Variants in KIAA1671 observed in about 807,000 individuals in gnomAD.
KIAA1671 encodes KIAA1671, also known as uncharacterized protein KIAA1671.
KIAA1671 carries 52 observed loss-of-function variants against 131.2 expected under a neutral mutation model. The observed-to-expected ratio is 0.40, with a 90% CI of 0.32 to 0.50. The LOEUF (loss-of-function observed/expected upper bound fraction) is 0.50. Ranked by LOEUF, KIAA1671 falls within the 20% of genes least tolerant of loss-of-function variation. KIAA1671 has a pLI of 0.73. For synonymous variants in KIAA1671, 1,003 were observed against 961.6 expected (o/e 1.04, Z -0.80); for missense variants, 2,360 against 2,364.2 (o/e 1.00, Z 0.04).
Position 24,974,280 on chromosome 22 carries a change from G to A in KIAA1671, c.-208+21508G>A, listed in dbSNP as rs549091626. On this transcript the variant is annotated intron_variant, in intron 1 of 12. Transcript: ENST00000358431. ...ATTGGGCAGGTCTCACCCCCTCCAT[G>A]AGCTTTAGTGTGTGATGTGATGATG... Among the ~76,000 whole-genome samples the A allele has an allele frequency of 2.0e-5, 3 of 152,246 alleles. No individual in the cohort carries two copies. The South Asian group carries it at 6.2e-4, about 32-fold the overall frequency.
chr22:24,986,553 A>G (rs2123838430), intron 1 of KIAA1671, among the ~76,000 whole-genome samples: 1 of 152,168 alleles, frequency 6.6e-6, no homozygotes, highest in East Asian at 1.9e-4. Context: ...AATATTTTCA[A>G]TCAGTGATTA....
intron 1 of KIAA1671, among the ~76,000 whole-genome samples, chr22:25,003,216 G>T (rs1435849970): frequency 6.6e-6 from 1 of 152,122 alleles, no homozygotes; most frequent in Non-Finnish European, 1.5e-5. Flanking sequence ...TGTAAAATGG[G>T]AGTAAAATAC....
intron 11 of KIAA1671, among the ~76,000 whole-genome samples, chr22:25,188,962 A>G (rs1934569157): frequency 6.6e-6 from 1 of 152,124 alleles, no homozygotes; most frequent in Non-Finnish European, 1.5e-5. Context: ...ATGCACATGT[A>G]GACACACGTA....
At chr22:24,987,150 GATTT>G (rs1391266302) in intron 1 of KIAA1671, among the ~76,000 whole-genome samples, 1 of 150,674 alleles carries the variant, frequency 6.6e-6, no homozygotes, top group African/African-American at 2.4e-5. Flanking sequence ...TTTTTCCAAT[GATTT>G]ATTTATTATT....
At chr22:25,085,033 G>C (rs1212630050) in intron 6 of KIAA1671, among the ~76,000 whole-genome samples, 1 of 152,206 alleles carries the variant, frequency 6.6e-6, no homozygotes, top group Non-Finnish European at 1.5e-5. Context: ...TCTGTTCTCT[G>C]CTGGGCCATG....
At chr22:25,120,863 T>A (rs138628310) in intron 6 of KIAA1671, among the ~76,000 whole-genome samples, 55 of 152,360 alleles carry the variant, frequency 3.6e-4, no homozygotes, top group Admixed American at 5.9e-4. Flanking sequence ...GGCTGGACAT[T>A]TGGGTAATTT....
chr22:25,112,290 G>A (rs1197101188), intron 6 of KIAA1671: 1 of 398,890 alleles, frequency 2.5e-6, no homozygotes, highest in Non-Finnish European at 4.4e-6. Context: ...ACCACGGTGG[G>A]CCACGAACGG....
intron 9 of KIAA1671, chr22:25,179,575 GCTT>G (rs1267064212): frequency 1.7e-5 from 24 of 1,452,598 alleles, no homozygotes; most frequent in Middle Eastern, 2.0e-4. Context: ...GAACGGAGCC[GCTT>G]CCCCTGCCCA....
chr22:24,957,837 C>T (rs1921795317), intron 1 of KIAA1671, among the ~76,000 whole-genome samples: 1 of 151,766 alleles, frequency 6.6e-6, no homozygotes, highest in African/African-American at 2.4e-5. Context: ...GCCACCACGC[C>T]TGGCTAATTT....
intron 6 of KIAA1671, among the ~76,000 whole-genome samples, chr22:25,165,101 A>T (rs541504582): frequency 6.6e-6 from 1 of 151,612 alleles, no homozygotes; most frequent in Non-Finnish European, 1.5e-5. Flanking sequence ...TTCTGGTAGA[A>T]TGATGAGGCA....
chr22:25,145,506 C>T (rs547451140), intron 6 of KIAA1671, among the ~76,000 whole-genome samples: 1 of 152,216 alleles, frequency 6.6e-6, no homozygotes, highest in African/African-American at 2.4e-5. Context: ...TGATCCCCAA[C>T]CTGTGCTTCC....
Position 25,181,728 on chromosome 22 carries a change from G to A in KIAA1671, c.5104G>A (p.Asp1702Asn), listed in dbSNP as rs1223268418. ...GAAATCACCCAGGAAGGAGGAGTCG[G>A]ATGAGGAGGAGACGGCATCCAAAGC... ...EEKSPRKEES[D>N]EEETASKAER... Residue 1702 changes from aspartate (D) to asparagine (N), a missense_variant, in exon 10 of 13, where the codon GAT becomes AAT. Physicochemically the swap from Asp to Asn is conservative, Grantham distance 23. Transcript: ENST00000358431. 6.4e-7 allele frequency: 1 copy of A among 1,551,682 alleles called. No homozygotes were observed. Among genetic ancestry groups the A allele is most frequent in the Non-Finnish European group, 8.7e-7 (1 of 1,146,994 alleles).
intron 4 of KIAA1671, among the ~76,000 whole-genome samples, chr22:25,037,271 C>T (rs991780100): frequency 2.0e-5 from 3 of 151,990 alleles, no homozygotes; most frequent in Non-Finnish European, 4.4e-5. Flanking sequence ...TGCAGTGAGC[C>T]GAGATCGTGC....
intron 6 of KIAA1671, among the ~76,000 whole-genome samples, chr22:25,093,955 G>A (rs189920141): frequency 2.7e-5 from 4 of 149,832 alleles, no homozygotes; most frequent in Non-Finnish European, 4.4e-5. Flanking sequence ...GCCAGCCCCC[G>A]CCTTGCCTCC....
At position 25,195,127 on chromosome 22, in the gene KIAA1671, G is replaced by A. The variant is rs1295224509; in HGVS notation, c.*2726G>A. 2 of 152,082 alleles carry A rather than the reference G, an allele frequency of 1.3e-5. No homozygotes were observed. Among genetic ancestry groups the A allele is most frequent in the African/African-American group, 4.8e-5 (2 of 41,378 alleles). 9.4% of individuals were successfully genotyped at this position (152,082 alleles called of 1,614,324 possible). On this transcript the variant is annotated 3_prime_UTR_variant, in exon 13 of 13. Coordinates refer to ENST00000358431, the MANE Select transcript of KIAA1671 (RefSeq NM_001145206.2). ...GGGGCTTTGGCTGTCCTCAATGAGA[G>A]TTTCATGCAGAATGGAAAATCCTCT...
intron 6 of KIAA1671, among the ~76,000 whole-genome samples, chr22:25,142,268 C>A (rs1450411127): frequency 6.6e-6 from 1 of 152,140 alleles, no homozygotes. Context: ...GAATGTTCTG[C>A]CCACTGAGAT....
intron 7 of KIAA1671, among the ~76,000 whole-genome samples, chr22:25,171,678 G>A (rs1933853627): frequency 6.6e-6 from 1 of 151,658 alleles, no homozygotes; most frequent in Admixed American, 6.6e-5. Context: ...TTGCGCCAAT[G>A]CACTCAATCC....
At chr22:25,075,298 A>G (rs999462770) in intron 6 of KIAA1671, among the ~76,000 whole-genome samples, 3 of 152,200 alleles carry the variant, frequency 2.0e-5, no homozygotes, top group Non-Finnish European at 4.4e-5. Flanking sequence ...TCCCCTCGAC[A>G]GCACCAAGAA....
chr22:25,149,583 A>G (rs547499326), intron 6 of KIAA1671, among the ~76,000 whole-genome samples: 1 of 151,932 alleles, frequency 6.6e-6, no homozygotes, highest in South Asian at 2.1e-4. Flanking sequence ...CCCCTCCCCA[A>G]GATTGGACCC....
Sources: allele counts gnomAD v4.1 joint callset (sites outside exome capture counted in the v4.1 genomes callset), GRCh38; gene constraint gnomAD v4.1.1; transcripts MANE v1.5; gene names NCBI Gene and HGNC (gene_info 2026-07-23, HGNC 2026-07-21).